Variants in HMBOX1 observed in about 807,000 individuals in gnomAD.
HMBOX1 encodes the protein homeobox-containing protein 1.
A neutral mutation model predicts 54.5 loss-of-function variants in HMBOX1; 14 were observed. The ratio of observed to expected loss-of-function variants is 0.26; its 90% CI spans 0.17 to 0.40. The LOEUF (loss-of-function observed/expected upper bound fraction) is 0.40. Among genes scored for constraint, HMBOX1 ranks in the 10% least tolerant of loss-of-function variants. The pLI is 1.00. For synonymous variants in HMBOX1, 160 were observed against 181.0 expected, an observed-to-expected ratio of 0.88 and a Z score of 0.93; for missense variants, 332 against 514.4, an observed-to-expected ratio of 0.65 and a Z score of 3.43.
intron 6 of HMBOX1, among the ~76,000 whole-genome samples, chr8:29,041,126 GTGTT>G (rs76465898): frequency 0.084 from 12,720 of 152,194 alleles, 659 homozygotes; most frequent in South Asian, 0.24. Context: ...AAAATAGCAT[GTGTT>G]TATTTCAGAA....
intron 1 of HMBOX1, among the ~76,000 whole-genome samples, chr8:28,904,130 A>G (rs1813788604): frequency 6.6e-6 from 1 of 152,144 alleles, no homozygotes; most frequent in South Asian, 2.1e-4. Context: ...TTTTTCATGC[A>G]TAAACCATAC....
intron 6 of HMBOX1, among the ~76,000 whole-genome samples, chr8:29,037,464 G>A (rs984042267): frequency 6.6e-6 from 1 of 151,958 alleles, no homozygotes; most frequent in African/African-American, 2.4e-5. Flanking sequence ...ATAAAATTGA[G>A]GGATACACAG....
At chr8:28,925,719 T>G (rs1271951041) in intron 1 of HMBOX1, among the ~76,000 whole-genome samples, 6 of 152,170 alleles carry the variant, frequency 3.9e-5, no homozygotes, top group African/African-American at 1.4e-4. Flanking sequence ...CTTTTGTGTC[T>G]TTTTAATGAG....
At chr8:28,969,924 C>T in intron 2 of HMBOX1, 119 bp from the exon 3 acceptor site, 1 of 675,520 alleles carries the variant, frequency 1.5e-6, no homozygotes, top group Non-Finnish European at 2.5e-6. Flanking sequence ...ATGGGACATA[C>T]CTTCATTTTC....
chr8:29,009,067 C>T lies in HMBOX1; in HGVS notation c.587-5C>T. ...CCCCCAAAACCTATTTCTCTTTCTACATAGGTATCAGTCAGAGCCGGATCT... is the reference window on the plus strand; with the variant it reads ...CCCCCAAAACCTATTTCTCTTTCTATATAGGTATCAGTCAGAGCCGGATCT... On this transcript the variant is annotated splice_region_variant and splice_polypyrimidine_tract_variant and intron_variant, in intron 4 of 9. Transcript: ENST00000287701. The T allele has an allele frequency of 6.2e-7, 1 of 1,601,802 alleles. No individual in the cohort carries two copies. Among genetic ancestry groups the T allele is most frequent in the Non-Finnish European group, 8.6e-7 (1 of 1,169,438 alleles).
chr8:28,953,912 G>A (rs1364797417), intron 1 of HMBOX1, among the ~76,000 whole-genome samples: 1 of 152,180 alleles, frequency 6.6e-6, no homozygotes, highest in Non-Finnish European at 1.5e-5. Context: ...TATGTTAGCT[G>A]TATGCAGGCC....
Position 29,051,503 on chromosome 8 carries a change from A to G in HMBOX1, c.*348A>G. ...TTAGACTACGTGTAAAATCTTGGGT[A>G]CCTTTAGATTCTTGTAACACTAGTC... On this transcript the variant is annotated 3_prime_UTR_variant, in exon 10 of 10. Transcript: ENST00000287701. The G allele has an allele frequency of 1.4e-6, 1 of 702,264 alleles. No homozygotes were observed. The highest frequency in any genetic ancestry group is 2.6e-6 in the Non-Finnish European group (1 of 384,456). 43.5% of individuals were successfully genotyped at this position (702,264 alleles called of 1,614,324 possible). A position where few individuals can be genotyped will look rare whatever the true frequency, so the allele number is the denominator to read the frequency against.
At chr8:28,898,932 A>G (rs1281597808) in intron 1 of HMBOX1, among the ~76,000 whole-genome samples, 1 of 152,172 alleles carries the variant, frequency 6.6e-6, no homozygotes, top group Non-Finnish European at 1.5e-5. Flanking sequence ...GCTTTTTATG[A>G]GGAGGGTTCT....
chr8:28,937,091 G>A (rs1050006400), intron 1 of HMBOX1, among the ~76,000 whole-genome samples: 1 of 152,094 alleles, frequency 6.6e-6, no homozygotes. Flanking sequence ...CAGCCAGACC[G>A]GAAGGAAGAT....
chr8:28,917,544 T>C (rs191931132), intron 1 of HMBOX1, among the ~76,000 whole-genome samples: 78 of 152,292 alleles, frequency 5.1e-4, no homozygotes, highest in South Asian at 1.0e-3. Context: ...GCTTTTTTTT[T>C]CCCTTACTGT....
chr8:29,048,437 T>TAATA (rs576549840), intron 8 of HMBOX1: 4 of 152,158 alleles, frequency 2.6e-5, no homozygotes, highest in African/African-American at 4.8e-5. Flanking sequence ...ACTGTAACAG[T>TAATA]AATAAATAAG....
At chr8:29,047,739 G>C (rs1296883587) in intron 8 of HMBOX1, among the ~76,000 whole-genome samples, 1 of 151,822 alleles carries the variant, frequency 6.6e-6, no homozygotes. Flanking sequence ...GGCTAATTTT[G>C]TATTTTTAGT....
At chr8:29,020,095 C>T (rs1176883094) in intron 6 of HMBOX1, among the ~76,000 whole-genome samples, 1 of 152,148 alleles carries the variant, frequency 6.6e-6, no homozygotes, top group African/African-American at 2.4e-5. Flanking sequence ...ACATTATTGT[C>T]CTGGAGACCT....
chr8:28,989,290 A>G (rs947581118), intron 4 of HMBOX1, among the ~76,000 whole-genome samples: 4 of 152,296 alleles, frequency 2.6e-5, no homozygotes, highest in Admixed American at 2.6e-4. Flanking sequence ...AAAAAAAAGA[A>G]AATTTTGCTT....
At chr8:28,993,270 A>G (rs1403723633) in intron 4 of HMBOX1, among the ~76,000 whole-genome samples, 1 of 152,192 alleles carries the variant, frequency 6.6e-6, no homozygotes, top group African/African-American at 2.4e-5. Flanking sequence ...TTTAGATTTC[A>G]ATTTGATGAT....
intron 5 of HMBOX1, among the ~76,000 whole-genome samples, chr8:29,013,612 T>C (rs190196898): frequency 6.6e-6 from 1 of 152,150 alleles, no homozygotes; most frequent in Admixed American, 6.5e-5. Flanking sequence ...ATCATCAGAA[T>C]TTACCAGCAT....
At chr8:28,959,346 G>A (rs749122757) in intron 1 of HMBOX1, among the ~76,000 whole-genome samples, 1 of 152,102 alleles carries the variant, frequency 6.6e-6, no homozygotes, top group East Asian at 1.9e-4. Context: ...AGTGAGTAAG[G>A]GTCAGGTAGG....
chr8:28,971,255 G>A lies in HMBOX1; in HGVS notation c.500+736G>A, dbSNP rs114037593. Reference sequence around the variant, plus strand: ...TTACAGGCATGCACCACCATGCTGAGCTATTTTGTATTTTTAGTAGAGATG... The same window carrying A: ...TTACAGGCATGCACCACCATGCTGAACTATTTTGTATTTTTAGTAGAGATG... On this transcript the variant is annotated intron_variant, in intron 3 of 9. Transcript: ENST00000287701. 5.7e-3 allele frequency among the ~76,000 whole-genome samples: 866 copies of A among 151,952 alleles called. 4 individuals carry two copies. The highest frequency in any genetic ancestry group is 0.02 in the African/African-American group (840 of 41,432).
chr8:28,891,009 G>A (rs1171932437), intron 1 of HMBOX1: 1 of 152,970 alleles, frequency 6.5e-6, no homozygotes, highest in Non-Finnish European at 1.5e-5. Context: ...AAACTGTGAG[G>A]TGATTTGCAG....
Sources: allele counts gnomAD v4.1 joint callset (sites outside exome capture counted in the v4.1 genomes callset), GRCh38; gene constraint gnomAD v4.1.1; transcripts MANE v1.5; gene names NCBI Gene and HGNC (gene_info 2026-07-23, HGNC 2026-07-21).